GTPBP4: variants seen among roughly 807,000 people sequenced by gnomAD.
The protein encoded by GTPBP4 is GTP-binding protein 4.
Under a neutral mutation model 81.7 loss-of-function variants are expected in GTPBP4, and 15 were observed. The ratio of observed to expected loss-of-function variants is 0.18; its 90% CI spans 0.12 to 0.28. The LOEUF is 0.28. Ranked by LOEUF, GTPBP4 falls within the 10% of genes least tolerant of loss-of-function variation. GTPBP4 has a pLI of 1.00. For synonymous variants in GTPBP4, 272 were observed against 274.6 expected (o/e 0.99, Z 0.09); for missense variants, 847 against 793.8 (o/e 1.07, Z -0.81).
chr10:1,000,039 AGACATGG>A (rs1298666333), intron 6 of GTPBP4, among the ~76,000 whole-genome samples: 1 of 152,172 alleles, frequency 6.6e-6, no homozygotes, highest in Non-Finnish European at 1.5e-5. Context: ...GTAATTCCTA[AGACATGG>A]GAGGGTTCTC....
chr10:991,115 A>G (rs1227887769), intron 1 of GTPBP4, among the ~76,000 whole-genome samples: 1 of 150,740 alleles, frequency 6.6e-6, no homozygotes, highest in East Asian at 2.0e-4. Flanking sequence ...TACTTGTCTC[A>G]CTTGTAGGCC....
In GTPBP4 at chr10:1,012,649, G is replaced by C; in HGVS notation, c.1529G>C (p.Arg510Pro). The C allele has an allele frequency of 1.2e-6, 2 of 1,611,624 alleles. No individual in the cohort carries two copies. The highest frequency in any genetic ancestry group is 1.1e-5 in the South Asian group (1 of 90,798). ...AATACACAGGGACCCAGGATGCCGC[G>C]AACTGCTAAGAAGGCAAGTTTGTGT... ...EKNTQGPRMP[R>P]TAKKVQRTVL... The change falls in exon 14 of 17, where the codon CGA becomes CCA. Residue 510 changes from arginine (R) to proline (P), a missense_variant. Physicochemically the swap from Arg to Pro is moderately radical, Grantham distance 103 (BLOSUM62 -2). This residue lies in a region of GTPBP4 where 600 missense variants were observed against 557.1 expected (regional missense o/e 1.08). Coordinates refer to ENST00000360803, the MANE Select transcript of GTPBP4 (RefSeq NM_012341.3).
In GTPBP4 at chr10:1,007,052, C is replaced by T. The variant is rs2132167435; in HGVS notation, c.1037C>T (p.Thr346Ile). 6.2e-7 allele frequency: 1 copy of T among 1,613,116 alleles called. No individual in the cohort carries two copies. The highest frequency in any genetic ancestry group is 8.5e-7 in the Non-Finnish European group (1 of 1,179,158). Residue 346 changes from threonine (T) to isoleucine (I), a missense_variant, in exon 10 of 17, where the codon ACC (threonine) becomes ATC (isoleucine). Physicochemically the swap from Thr to Ile is moderately conservative, Grantham distance 89. Coordinates refer to ENST00000360803, the MANE Select transcript of GTPBP4 (RefSeq NM_012341.3). ...AGGCTTTTGGCTCATCGAGTGGAAA[C>T]CAAAATGAAGGGAAATAAAGTGAAT... ...CDRLLAHRVE[T>I]KMKGNKVNEV...
intron 15 of GTPBP4, among the ~76,000 whole-genome samples, chr10:1,015,437 G>T (rs1831964089): frequency 2.0e-5 from 2 of 102,388 alleles, no homozygotes; most frequent in Admixed American, 1.9e-4. Flanking sequence ...GTGGACCTGG[G>T]GTCCTGAGCG....
chr10:997,468 G>A (rs1831555155), intron 5 of GTPBP4, among the ~76,000 whole-genome samples, 160 bp downstream of exon 5: 1 of 152,238 alleles, frequency 6.6e-6, no homozygotes, highest in Admixed American at 6.5e-5. Flanking sequence ...TTCGGCCTCC[G>A]AGTTGGTCCT....
At chr10:993,620 G>A (rs925426197) in intron 2 of GTPBP4, among the ~76,000 whole-genome samples, 2 of 152,126 alleles carry the variant, frequency 1.3e-5, no homozygotes, top group Admixed American at 1.3e-4. Context: ...ATGACACCAT[G>A]TGTGGGGTAA....
chr10:997,347 A>G (rs773407369), intron 5 of GTPBP4, 39 bp downstream of exon 5: 15 of 1,072,264 alleles, frequency 1.4e-5, no homozygotes, highest in Middle Eastern at 2.0e-4. Flanking sequence ...TCATCTGACT[A>G]TTTTACGTCA....
At chr10:1,012,394 C>A in intron 13 of GTPBP4, 71 bp from the exon 14 acceptor site, 2 of 1,061,134 alleles carry the variant, frequency 1.9e-6, no homozygotes, top group Admixed American at 2.3e-5. Context: ...CCCATACACA[C>A]TCTGCCACAC....
chr10:998,944 C>G, intron 5 of GTPBP4, 59 bp from the exon 6 acceptor site: 1 of 926,186 alleles, frequency 1.1e-6, no homozygotes, highest in Admixed American at 1.7e-5. Flanking sequence ...TTAAAACACA[C>G]AGATCCCACG....
At chr10:1,003,988 A>G (rs1831682355) in intron 8 of GTPBP4, among the ~76,000 whole-genome samples, 1 of 151,988 alleles carries the variant, frequency 6.6e-6, no homozygotes, top group Admixed American at 6.6e-5. Context: ...CTGATCCTGA[A>G]GCACCCCTAG....
At position 1,008,977 on chromosome 10, in the gene GTPBP4, C is replaced by G. The variant is rs1348132730; in HGVS notation, c.1133C>G (p.Pro378Arg). 6 of 1,611,684 alleles carry G rather than the reference C, an allele frequency of 3.7e-6. No homozygotes were observed. Among genetic ancestry groups the G allele is most frequent in the Middle Eastern group, 1.6e-4 (1 of 6,074 alleles). The change falls in exon 11 of 17, where the codon CCT becomes CGT. Residue 378 changes from proline to arginine, a missense_variant. Physicochemically the swap from Pro to Arg is moderately radical, Grantham distance 103. This residue lies in a region of GTPBP4 where 600 missense variants were observed against 557.1 expected (regional missense o/e 1.08). Transcript: ENST00000360803. ...RDDKERPPFI[P>R]EGVVARRKRM... The stretch of plus-strand genomic sequence containing the variant: ...TCTCAGGAGAGGCCCCCTTTCATCC[C>G]TGAAGGAGTGGTGGCTCGCAGGAAG...
At chr10:1,010,575 G>T (rs1428954729) in intron 13 of GTPBP4, 55 bp downstream of exon 13, 1 of 957,820 alleles carries the variant, frequency 1.0e-6, no homozygotes, top group Non-Finnish European at 1.7e-6. Context: ...TAGTAGTATT[G>T]CTGGAAGATA....
intron 4 of GTPBP4, 74 bp from the exon 5 acceptor site, chr10:997,134 C>A: frequency 1.1e-6 from 1 of 926,120 alleles, no homozygotes; most frequent in Non-Finnish European, 1.8e-6. Context: ...TGGACTGTAA[C>A]TAAGTTGAAA....
intron 2 of GTPBP4, 147 bp downstream of exon 2, chr10:992,806 T>C: frequency 1.7e-6 from 1 of 579,612 alleles, no homozygotes. Context: ...AAGAACTAAT[T>C]TGTTGAATTT....
At chr10:994,568 G>A (rs569031541) in intron 2 of GTPBP4, among the ~76,000 whole-genome samples, 1 of 152,310 alleles carries the variant, frequency 6.6e-6, no homozygotes, top group Admixed American at 6.5e-5. Context: ...ACAGTGCCTG[G>A]CCAAGAATGA....
At position 1,006,976 on chromosome 10, in the gene GTPBP4, G is replaced by A. The variant is rs778517290; in HGVS notation, c.1003-42G>A. 5.0e-6 allele frequency: 6 copies of A among 1,207,924 alleles called. No individual in the cohort carries two copies. The South Asian group carries it at 6.1e-5, about 12-fold the overall frequency. 74.8% of individuals were successfully genotyped at this position (1,207,924 alleles called of 1,614,324 possible). A position where few individuals can be genotyped will look rare whatever the true frequency, so the allele number is the denominator to read the frequency against. On this transcript the variant is annotated intron_variant, in intron 9 of 16. Transcript: ENST00000360803. ...TGGAACCTGTAGCTGGAGGCTGCTGGAGGATGCGTTTGTGACTGTGCCTTC... is the reference window on the plus strand; with the variant it reads ...TGGAACCTGTAGCTGGAGGCTGCTGAAGGATGCGTTTGTGACTGTGCCTTC...
At chr10:1,001,105 A>G (rs1423544204) in intron 8 of GTPBP4, 92 bp downstream of exon 8, 1 of 783,710 alleles carries the variant, frequency 1.3e-6, no homozygotes, top group Non-Finnish European at 2.2e-6. Context: ...AATTTTAGCA[A>G]TACTAGTCCA....
rs1831615354 is a variant in GTPBP4 at position 1,000,778 on chromosome 10, G to A, written c.756G>A (p.Leu252=). Residue 252 remains leucine (L), a synonymous_variant, in exon 7 of 17, where the codon CTG becomes CTA. Transcript: ENST00000360803. ...TGGCCCACCTCCGTGCTGCGGTCCT[G>A]TATGTGATGGATTTGTCTGAGCAGT... ...TALAHLRAAV[L]YVMDLSEQCG... 1.2e-6 allele frequency: 2 copies of A among 1,611,040 alleles called. No homozygotes were observed. Among genetic ancestry groups the A allele is most frequent in the Middle Eastern group, 1.7e-4 (1 of 6,046 alleles).
At chr10:1,008,923 AT>A in intron 10 of GTPBP4, 34 bp from the exon 11 acceptor site, 1 of 1,480,584 alleles carries the variant, frequency 6.8e-7, no homozygotes, top group Non-Finnish European at 9.4e-7. Flanking sequence ...TTCAGCAGGC[AT>A]TTCACATAAA....
Sources: gnomAD v4.1 joint callset for allele counts (sites outside exome capture counted in the v4.1 genomes callset) on GRCh38, gnomAD v4.1.1 for gene constraint, gnomAD v4.1.1 regional missense constraint, MANE v1.5 for transcripts, NCBI Gene and HGNC (gene_info 2026-07-23, HGNC 2026-07-21) for gene names.